Variants in ITPRIP observed in about 807,000 individuals in gnomAD.
The protein encoded by ITPRIP is inositol 1,4,5-trisphosphate receptor-interacting protein.
ITPRIP carries 32 observed loss-of-function variants against 35.8 expected under a neutral mutation model. The ratio of observed to expected loss-of-function variants is 0.89; its 90% CI spans 0.68 to 1.20. The LOEUF (loss-of-function observed/expected upper bound fraction) is 1.20. Among genes scored for constraint, ITPRIP ranks in the 50% most tolerant of loss-of-function variants. ITPRIP has a pLI of 0.00. For synonymous variants in ITPRIP, 358 were observed against 324.0 expected (o/e 1.11, Z -1.13); for missense variants, 653 against 735.6 (o/e 0.89, Z 1.30).
chr10:104,330,058 C>T (rs796774886), intron 1 of ITPRIP, among the ~76,000 whole-genome samples: 4 of 152,224 alleles, frequency 2.6e-5, no homozygotes, highest in African/African-American at 9.6e-5. Context: ...GTTTGGAGAC[C>T]TAGGAAGGTC....
rs577851494 is a variant in ITPRIP at position 104,315,580 on chromosome 10, C to T, written c.472G>A (p.Ala158Thr). The change falls in exon 2 of 2, where the codon GCC becomes ACC. Residue 158 changes from alanine (A) to threonine (T), a missense_variant. Ala to Thr is a moderately conservative substitution (Grantham distance 58). Coordinates refer to ENST00000337478, the MANE Select transcript of ITPRIP (RefSeq NM_001272013.2). This position sits in a 1 kb window ranked among gnomAD's most constrained non-coding sequence, Gnocchi z 5.7. ...CCTTCCAGGAACTCCCGGGTACGGGCTGCATCGGCCGTGGCCCCCCGGATG... is the reference window on the plus strand; with the variant it reads ...CCTTCCAGGAACTCCCGGGTACGGGTTGCATCGGCCGTGGCCCCCCGGATG... ...RCIRGATADA[A>T]RTREFLEGFV... is the part of the protein sequence containing the mutation. 4 of 1,613,850 alleles carry T rather than the reference C, an allele frequency of 2.5e-6. No individual in the cohort carries two copies. Among genetic ancestry groups the T allele is most frequent in the African/African-American group, 1.3e-5 (1 of 75,076 alleles).
Position 104,314,221 on chromosome 10 carries a change from A to C in ITPRIP, c.*187T>G. 1 of 1,415,684 alleles carries C rather than the reference A, an allele frequency of 7.1e-7. No individual in the cohort carries two copies. The highest frequency in any genetic ancestry group is 1.6e-5 in the South Asian group (1 of 62,724). The allele number at this position is 1,415,684 out of a possible 1,614,324, so 87.7% of individuals were successfully genotyped here. ...TTACCAGCAGATCCCAATGGTATGA[A>C]GCAAACCAGCTTCCCGTTGAAATTC... On this transcript the variant is annotated 3_prime_UTR_variant, in exon 2 of 2. Transcript: ENST00000337478.
At chr10:104,322,607 G>A (rs2013881446) in intron 1 of ITPRIP, among the ~76,000 whole-genome samples, 1 of 152,220 alleles carries the variant, frequency 6.6e-6, no homozygotes, top group Non-Finnish European at 1.5e-5. Flanking sequence ...CTCTGGGTAG[G>A]AGGGTGGGGC....
chr10:104,321,527 T>C (rs1192728200), intron 1 of ITPRIP, among the ~76,000 whole-genome samples: 1 of 152,104 alleles, frequency 6.6e-6, no homozygotes, highest in Non-Finnish European at 1.5e-5. Context: ...GCTTCCTTCC[T>C]TCACTGGGGT....
chr10:104,310,277 A>T lies in ITPRIP; in HGVS notation c.*4131T>A, dbSNP rs904909276. On this transcript the variant is annotated 3_prime_UTR_variant, in exon 2 of 2. Transcript: ENST00000337478. ...ACCAACCCTGCTCGGGAAGCCGGCC[A>T]TGTACCCTACAGCACAGGACATGGA... The T allele has an allele frequency of 6.6e-6, 1 of 152,318 alleles. No individual in the cohort carries two copies. Among genetic ancestry groups the T allele is most frequent in the African/African-American group, 2.4e-5 (1 of 41,440 alleles). 9.4% of individuals were successfully genotyped at this position (152,318 alleles called of 1,614,324 possible). A position where few individuals can be genotyped will look rare whatever the true frequency, so the allele number is the denominator to read the frequency against.
rs1225159838 is a variant in ITPRIP, at chr10:104,312,816, C to A, written c.*1592G>T. Reference sequence around the variant, plus strand: ...CAGTTTGTGGGGTAACTGGGCACCCCTGTCAAGTTGGTTATGCTCTCGGGA... The same window carrying A: ...CAGTTTGTGGGGTAACTGGGCACCCATGTCAAGTTGGTTATGCTCTCGGGA... On this transcript the variant is annotated 3_prime_UTR_variant, in exon 2 of 2. Coordinates refer to ENST00000337478, the MANE Select transcript of ITPRIP (RefSeq NM_001272013.2). The A allele has an allele frequency of 5.1e-6, 5 of 985,260 alleles. No individual in the cohort carries two copies. The Admixed American group carries it at 2.5e-4, about 48-fold the overall frequency. 61.0% of individuals were successfully genotyped at this position (985,260 alleles called of 1,614,324 possible).
chr10:104,316,395 C>T (rs545831115), intron 1 of ITPRIP, among the ~76,000 whole-genome samples: 3 of 152,282 alleles, frequency 2.0e-5, no homozygotes, highest in Admixed American at 1.3e-4. Flanking sequence ...GGCTCAAAAC[C>T]CAGGCCCAAG....
chr10:104,309,700 T>G lies in ITPRIP; in HGVS notation c.*4708A>C, dbSNP rs1050607660. On this transcript the variant is annotated 3_prime_UTR_variant, in exon 2 of 2. Coordinates refer to ENST00000337478, the MANE Select transcript of ITPRIP (RefSeq NM_001272013.2). ...CAAAAAGATAACCAAGAAGAATTAG[T>G]CGGTATGATGCCATTTATGTAAAAA... 1 of 151,980 alleles carries G rather than the reference T, an allele frequency of 6.6e-6. No homozygotes were observed. The highest frequency in any genetic ancestry group is 1.5e-5 in the Non-Finnish European group (1 of 68,004). 9.4% of individuals were successfully genotyped at this position (151,980 alleles called of 1,614,324 possible).
chr10:104,330,581 A>G (rs916368901), intron 1 of ITPRIP, among the ~76,000 whole-genome samples: 6 of 152,200 alleles, frequency 3.9e-5, no homozygotes, highest in Non-Finnish European at 8.8e-5. Context: ...AAATAAACAG[A>G]GGATTACAGA....
rs762530637 is a variant in ITPRIP, at chr10:104,314,586, C to A, written c.1466G>T (p.Gly489Val). ...IGNRKVPEAMGLPEAVLRAEP... is the reference protein window; with the variant it reads ...IGNRKVPEAMVLPEAVLRAEP... ...GGCCCTGAGCACGGCCTCAGGGAGT[C>A]CCATGGCCTCAGGCACCTTGCGGTT... The change falls in exon 2 of 2, where the codon GGA becomes GTA. Residue 489 changes from glycine to valine, a missense_variant. Gly to Val is a moderately radical substitution (Grantham distance 109). Transcript: ENST00000337478. 6.2e-7 allele frequency: 1 copy of A among 1,614,166 alleles called. No homozygotes were observed. The highest frequency in any genetic ancestry group is 1.1e-5 in the South Asian group (1 of 91,088).
Position 104,312,968 on chromosome 10 carries a change from G to A in ITPRIP, c.*1440C>T. ...GGCCAGTGAAGCCACAGGTGGAAAA[G>A]AGCCTTCCTGATCCCCCTGAACCAG... On this transcript the variant is annotated 3_prime_UTR_variant, in exon 2 of 2. Transcript: ENST00000337478. 1.0e-6 allele frequency: 1 copy of A among 985,492 alleles called. No individual in the cohort carries two copies. The allele number at this position is 985,492 out of a possible 1,614,324, so 61.0% of individuals were successfully genotyped here.
chr10:104,331,763 G>A (rs2014155697), intron 1 of ITPRIP, among the ~76,000 whole-genome samples: 1 of 152,202 alleles, frequency 6.6e-6, no homozygotes, highest in Non-Finnish European at 1.5e-5. Flanking sequence ...AGTGCTGGAA[G>A]GGAAAGCCTT....
At chr10:104,320,906 T>C (rs572169689) in intron 1 of ITPRIP, among the ~76,000 whole-genome samples, 2 of 152,276 alleles carry the variant, frequency 1.3e-5, no homozygotes, top group Admixed American at 1.3e-4. Context: ...TCAGGATCTC[T>C]TGGGACTGTG....
In ITPRIP at chr10:104,316,053, G is replaced by A. The variant is rs142039764; in HGVS notation, c.-2C>T. 1.3e-3 allele frequency: 1,991 copies of A among 1,564,316 alleles called. 1 individual carries two copies. Among genetic ancestry groups the A allele is most frequent in the Non-Finnish European group, 1.5e-3 (1,794 of 1,157,954 alleles). ...CACGCGGAAGAGCCCCATGGCCATG[G>A]TTGGAGCTTTCCTGGGAACAGAGAG... On this transcript the variant is annotated 5_prime_UTR_variant, in exon 2 of 2. Coordinates refer to ENST00000337478, the MANE Select transcript of ITPRIP (RefSeq NM_001272013.2).
At position 104,338,419 on chromosome 10, in the gene ITPRIP, G is replaced by A. The variant is rs1349645810; in HGVS notation, c.-187C>T. ...ATGCCCCCGCTGGCTCCCACCTTCT[G>A]GCCTGCAGCGGCCGGCTCTACTGAA... On this transcript the variant is annotated 5_prime_UTR_variant, in exon 1 of 2. Coordinates refer to ENST00000337478, the MANE Select transcript of ITPRIP (RefSeq NM_001272013.2). 1 of 152,270 alleles carries A rather than the reference G, an allele frequency of 6.6e-6. No individual in the cohort carries two copies. The highest frequency in any genetic ancestry group is 1.5e-5 in the Non-Finnish European group (1 of 68,054). 9.4% of individuals were successfully genotyped at this position (152,270 alleles called of 1,614,324 possible).
intron 1 of ITPRIP, among the ~76,000 whole-genome samples, chr10:104,325,775 G>A (rs1366763848): frequency 6.6e-6 from 1 of 152,198 alleles, no homozygotes; most frequent in East Asian, 1.9e-4. Flanking sequence ...AAGGCCTAAT[G>A]GTGCTGCGCT....
rs373416196 is a variant in ITPRIP, at chr10:104,314,511, C to T, written c.1541G>A (p.Arg514His). 19 of 1,614,038 alleles carry T rather than the reference C, an allele frequency of 1.2e-5. No individual in the cohort carries two copies. The highest frequency in any genetic ancestry group is 5.3e-5 in the African/African-American group (4 of 74,924). The change falls in exon 2 of 2, where the codon CGT becomes CAT. Residue 514 changes from arginine to histidine, a missense_variant. By Grantham distance (29) the Arg-to-His change is conservative (BLOSUM62 0). Transcript: ENST00000337478. Reference protein sequence around the residue: ...RPFVLQRSLYRKTLDSFYEML... With the variant: ...RPFVLQRSLYHKTLDSFYEML... ...CTCATAGAAGGAGTCCAGTGTCTTA[C>T]GGTAAAGGCTTCGCTGCAGGACGAA... is the stretch of plus-strand genomic sequence containing the variant.
At position 104,315,066 on chromosome 10, in the gene ITPRIP, T is replaced by A. The variant is rs778738604; in HGVS notation, c.986A>T (p.Asp329Val). 7 of 1,614,020 alleles carry A rather than the reference T, an allele frequency of 4.3e-6. No individual in the cohort carries two copies. The highest frequency in any genetic ancestry group is 5.9e-6 in the Non-Finnish European group (7 of 1,180,034). Residue 329 changes from aspartate (D) to valine (V), a missense_variant, in exon 2 of 2, where the codon GAC (aspartate) becomes GTC (valine). Asp to Val is a radical substitution (Grantham distance 152). Coordinates refer to ENST00000337478, the MANE Select transcript of ITPRIP (RefSeq NM_001272013.2). This position sits in a 1 kb window ranked among gnomAD's most constrained non-coding sequence, Gnocchi z 5.7. ...YEFDLAFGQL[D>V]SPGSLKIKFR... ...CTTGATCTTCAGGGACCCCGGGCTGTCCAGCTGGCCAAAGGCCAGGTCGAA... is the reference window on the plus strand; with the variant it reads ...CTTGATCTTCAGGGACCCCGGGCTGACCAGCTGGCCAAAGGCCAGGTCGAA...
chr10:104,309,752 A>G lies in ITPRIP; in HGVS notation c.*4656T>C, dbSNP rs1381564551. On this transcript the variant is annotated 3_prime_UTR_variant, in exon 2 of 2. Coordinates refer to ENST00000337478, the MANE Select transcript of ITPRIP (RefSeq NM_001272013.2). ...GGACTAAAAGGATGCATATATATAT[A>G]CATACATGTGACACATACACAGAAA... 1 of 152,212 alleles carries G rather than the reference A, an allele frequency of 6.6e-6. No individual in the cohort carries two copies. Among genetic ancestry groups the G allele is most frequent in the Non-Finnish European group, 1.5e-5 (1 of 68,046 alleles). 9.4% of individuals were successfully genotyped at this position (152,212 alleles called of 1,614,324 possible).
Sources: gnomAD v4.1 joint callset for allele counts (sites outside exome capture counted in the v4.1 genomes callset) on GRCh38, gnomAD v4.1.1 for gene constraint, Gnocchi (gnomAD v3.1) non-coding constraint, MANE v1.5 for transcripts, NCBI Gene and HGNC (gene_info 2026-07-23, HGNC 2026-07-21) for gene names.